The following DPYSL5 variants were observed in gnomAD, a reference collection of about 807,000 sequenced individuals.
DPYSL5 encodes the protein dihydropyrimidinase-related protein 5.
DPYSL5 carries 9 observed loss-of-function variants against 58.4 expected under a neutral mutation model. The ratio of observed to expected loss-of-function variants is 0.15; its 90% confidence interval spans 0.09 to 0.27. DPYSL5 has a LOEUF of 0.27. DPYSL5 is among the 10% of genes least tolerant of loss of function. The pLI is 1.00. For missense variants in DPYSL5, 499 were observed against 770.6 expected, an observed-to-expected ratio of 0.65 and a Z score of 4.17; for synonymous variants, 293 against 301.9, an observed-to-expected ratio of 0.97 and a Z score of 0.31.
intron 1 of DPYSL5, among the ~76,000 whole-genome samples, chr2:26,876,812 G>C (rs193005758): frequency 6.6e-6 from 1 of 152,032 alleles, no homozygotes; most frequent in Non-Finnish European, 1.5e-5. Context: ...CACCGCGCCC[G>C]GCCATGATGT....
In DPYSL5 at chr2:26,874,274, T is replaced by C. The variant is rs943332087; in HGVS notation, c.-4-24222T>C. On this transcript the variant is annotated intron_variant, in intron 1 of 12. Transcript: ENST00000288699. ...GAAGAACACAAGTTTTAAATTTCGA[T>C]AAAAGTTTCATTTAACAATTTTATC... Among the ~76,000 whole-genome samples the C allele has an allele frequency of 3.9e-5, 6 of 152,356 alleles. No homozygotes were observed. The South Asian group carries it at 8.3e-4, about 21-fold the overall frequency.
intron 2 of DPYSL5, among the ~76,000 whole-genome samples, chr2:26,916,339 C>T (rs902325309): frequency 5.3e-5 from 8 of 152,144 alleles, no homozygotes; most frequent in African/African-American, 1.9e-4. Flanking sequence ...TGTGGCTGCA[C>T]GTGGCTTACA....
At chr2:26,869,504 T>C (rs1452980281) in intron 1 of DPYSL5, among the ~76,000 whole-genome samples, 1 of 152,056 alleles carries the variant, frequency 6.6e-6, no homozygotes. Context: ...TCAAAATAGA[T>C]CAAAATAGAG....
chr2:26,904,111 G>A (rs1053012548), intron 2 of DPYSL5, among the ~76,000 whole-genome samples: 8 of 152,236 alleles, frequency 5.3e-5, no homozygotes, highest in African/African-American at 1.9e-4. Context: ...GGGACAGCCA[G>A]TCTCGCAGGC....
chr2:26,867,485 T>G (rs1663123879), intron 1 of DPYSL5, among the ~76,000 whole-genome samples: 3 of 146,056 alleles, frequency 2.1e-5, no homozygotes, highest in Non-Finnish European at 4.5e-5. Context: ...AGACGGAGTC[T>G]CGCTCTGTCG....
intron 1 of DPYSL5, among the ~76,000 whole-genome samples, chr2:26,886,190 C>T (rs1415219636): frequency 1.3e-5 from 2 of 152,166 alleles, no homozygotes; most frequent in Non-Finnish European, 2.9e-5. Flanking sequence ...GATTGGATGT[C>T]GGGAGAAGTA....
At chr2:26,904,662 G>C (rs1234503891) in intron 2 of DPYSL5, among the ~76,000 whole-genome samples, 1 of 152,184 alleles carries the variant, frequency 6.6e-6, no homozygotes, top group Non-Finnish European at 1.5e-5. Flanking sequence ...CAGCACTTTG[G>C]GAGGCCAAGC....
intron 12 of DPYSL5, among the ~76,000 whole-genome samples, chr2:26,946,371 A>T (rs1237673345): frequency 6.6e-6 from 1 of 151,048 alleles, no homozygotes; most frequent in Admixed American, 6.6e-5. Context: ...TCTCCGGGGC[A>T]CTAGACCCTC....
At chr2:26,936,845 C>T (rs1665191375) in intron 8 of DPYSL5, among the ~76,000 whole-genome samples, 1 of 149,288 alleles carries the variant, frequency 6.7e-6, no homozygotes, top group South Asian at 2.1e-4. Context: ...ACTCCAGAGG[C>T]TGAGGCAGGA....
At chr2:26,850,747 A>C (rs1572665430) in intron 1 of DPYSL5, among the ~76,000 whole-genome samples, 1 of 152,158 alleles carries the variant, frequency 6.6e-6, no homozygotes, top group African/African-American at 2.4e-5. Context: ...GCTTTTGCCC[A>C]GGACAGATGA....
intron 6 of DPYSL5, among the ~76,000 whole-genome samples, chr2:26,932,216 G>GA (rs757001313): frequency 1.1e-3 from 156 of 138,636 alleles, no homozygotes; most frequent in Non-Finnish European, 1.7e-3. Flanking sequence ...AGAAAAGAAA[G>GA]AAAGAAAGAA....
Position 26,927,225 on chromosome 2 carries a change from C to T in DPYSL5, c.421-28C>T. On this transcript the variant is annotated intron_variant, in intron 3 of 12. Transcript: ENST00000288699. This position sits in a 1 kb window ranked among gnomAD's most constrained non-coding sequence, Gnocchi z 4.3. The stretch of plus-strand genomic sequence containing the variant: ...GGCCTCTTGGGTGTCTGCCCTCACG[C>T]AGCATTGCCCTTCTACTTGTTCTCC... 6.3e-7 allele frequency: 1 copy of T among 1,599,062 alleles called. No homozygotes were observed. The highest frequency in any genetic ancestry group is 8.5e-7 in the Non-Finnish European group (1 of 1,171,190).
intron 1 of DPYSL5, among the ~76,000 whole-genome samples, chr2:26,858,361 C>T (rs1456152086): frequency 6.6e-6 from 1 of 151,970 alleles, no homozygotes; most frequent in Admixed American, 6.6e-5. Flanking sequence ...TTAGTAAAGA[C>T]GGAGTTTCAC....
chr2:26,881,703 G>A (rs534192772), intron 1 of DPYSL5, among the ~76,000 whole-genome samples: 116 of 152,250 alleles, frequency 7.6e-4, no homozygotes, highest in Admixed American at 1.6e-3. Flanking sequence ...CACATTTTAA[G>A]TACAAGTATC....
At chr2:26,860,480 A>G (rs913727883) in intron 1 of DPYSL5, among the ~76,000 whole-genome samples, 7 of 152,224 alleles carry the variant, frequency 4.6e-5, no homozygotes, top group Non-Finnish European at 7.3e-5. Context: ...GTTTGACACT[A>G]TCTATCAAAA....
chr2:26,885,502 C>T (rs1018243211), intron 1 of DPYSL5, among the ~76,000 whole-genome samples: 1 of 152,212 alleles, frequency 6.6e-6, no homozygotes, highest in Non-Finnish European at 1.5e-5. Flanking sequence ...AGCCCTCCCC[C>T]AAAATGGCAC....
Position 26,849,037 on chromosome 2 carries a change from C to T in DPYSL5, c.-5+783C>T, listed in dbSNP as rs1356522414. 1.3e-5 allele frequency among the ~76,000 whole-genome samples: 2 copies of T among 150,250 alleles called. No homozygotes were observed. Among genetic ancestry groups the T allele is most frequent in the Non-Finnish European group, 1.5e-5 (1 of 67,514 alleles). On this transcript the variant is annotated intron_variant, in intron 1 of 12. Coordinates refer to ENST00000288699, the MANE Select transcript of DPYSL5 (RefSeq NM_020134.4). This position sits in a 1 kb window ranked among gnomAD's most constrained non-coding sequence, Gnocchi z 6.2. ...GCCGGGAGAGGGCGAGGGGAGGCCT[C>T]GGTTGAGAAAAGATGGGGATGGGGA...
rs1174459649 is a variant in DPYSL5 at position 26,947,413 on chromosome 2, AG to A, written c.*420del. 2 of 161,422 alleles carry A rather than the reference AG, an allele frequency of 1.2e-5. No homozygotes were observed. The allele number at this position is 161,422 out of a possible 1,614,324, so 10.0% of individuals were successfully genotyped here. On this transcript the variant is annotated 3_prime_UTR_variant, in exon 13 of 13. Coordinates refer to ENST00000288699, the MANE Select transcript of DPYSL5 (RefSeq NM_020134.4). The surrounding 1 kb of genome is among the most constrained non-coding windows in gnomAD (Gnocchi z 4.2). ...TTTAGCAGATGTGGTTTCAAAGTAA[AG>A]GCCTCCTCCCCCACCCCTTAGGCCC...
chr2:26,853,689 C>T (rs6710065), intron 1 of DPYSL5, among the ~76,000 whole-genome samples: 59,893 of 151,936 alleles, frequency 0.39, 12,105 homozygotes, highest in Admixed American at 0.48. Flanking sequence ...GCTGGCAGAC[C>T]GGAAACTAGG....
Sources: gnomAD v4.1 joint callset for allele counts (sites outside exome capture counted in the v4.1 genomes callset) on GRCh38, gnomAD v4.1.1 for gene constraint, Gnocchi (gnomAD v3.1) non-coding constraint, MANE v1.5 for transcripts, NCBI Gene and HGNC (gene_info 2026-07-23, HGNC 2026-07-21) for gene names.